TNRC6B: variants seen among roughly 807,000 people sequenced by gnomAD.
The protein encoded by TNRC6B is trinucleotide repeat-containing gene 6B protein.
TNRC6B carries 52 observed loss-of-function variants against 203.6 expected under a neutral mutation model. That is an observed-to-expected ratio of 0.26 (90% CI 0.20 to 0.32). The LOEUF is 0.32. Ranked by LOEUF, TNRC6B falls within the 10% of genes least tolerant of loss-of-function variation. The pLI, the probability that TNRC6B is intolerant of heterozygous loss-of-function variation, is 1.00. For synonymous variants in TNRC6B, 838 were observed against 845.7 expected, an observed-to-expected ratio of 0.99 and a Z score of 0.16; for missense variants, 1,923 against 2,286.2, an observed-to-expected ratio of 0.84 and a Z score of 3.24.
At chr22:40,312,858 G>C in intron 18 of TNRC6B, 44 bp from the exon 19 acceptor site, 1 of 1,571,252 alleles carries the variant, frequency 6.4e-7, no homozygotes, top group Non-Finnish European at 8.7e-7. Context: ...TGGTTATACT[G>C]ACATTTATCT....
At chr22:40,219,503 G>A (rs1453940428) in intron 1 of TNRC6B, among the ~76,000 whole-genome samples, 2 of 152,086 alleles carry the variant, frequency 1.3e-5, no homozygotes, top group Non-Finnish European at 2.9e-5. Context: ...GGATAGCAGG[G>A]GCCCTCCCTC....
intron 4 of TNRC6B, among the ~76,000 whole-genome samples, chr22:40,164,446 A>T (rs1324461675): frequency 2.1e-5 from 3 of 145,288 alleles, no homozygotes; most frequent in South Asian, 2.2e-4. Context: ...GTTCCACTTT[A>T]TTTTTTTTTA....
At chr22:40,248,255 G>A (rs1224309486) in intron 2 of TNRC6B, among the ~76,000 whole-genome samples, 2 of 152,158 alleles carry the variant, frequency 1.3e-5, no homozygotes, top group Non-Finnish European at 2.9e-5. Flanking sequence ...CGCACACATT[G>A]CACCCTCCAC....
chr22:40,316,408 G>A (rs1429162730), intron 21 of TNRC6B, among the ~76,000 whole-genome samples: 1 of 151,718 alleles, frequency 6.6e-6, no homozygotes, highest in African/African-American at 2.4e-5. Flanking sequence ...TCTCACACCT[G>A]TAATCCCAGC....
intron 11 of TNRC6B, among the ~76,000 whole-genome samples, chr22:40,283,171 T>G (rs911635485): frequency 2.0e-5 from 3 of 152,066 alleles, no homozygotes; most frequent in Admixed American, 1.3e-4. Context: ...GAGTAGCTGT[T>G]GGGACCACAG....
At chr22:40,177,893 C>T (rs1226173408), upstream of TNRC6B, 2 of 1,337,194 alleles carry the variant, frequency 1.5e-6, no homozygotes, top group East Asian at 5.7e-5. Flanking sequence ...TGATCTGCCT[C>T]TATTTGAAGG....
chr22:40,217,517 A>G (rs2069651266), intron 1 of TNRC6B, among the ~76,000 whole-genome samples: 1 of 152,186 alleles, frequency 6.6e-6, no homozygotes, highest in Non-Finnish European at 1.5e-5. Flanking sequence ...GAAGGGACAA[A>G]CAATGTGACT....
intron 3 of TNRC6B, among the ~76,000 whole-genome samples, chr22:40,146,412 T>TG (rs397974953): frequency 6.6e-6 from 1 of 151,898 alleles, no homozygotes; most frequent in African/African-American, 2.4e-5. Flanking sequence ...TCTTTTTTTT[T>TG]GAGACGGAGT....
At chr22:40,162,250 C>T (rs1246822182) in intron 4 of TNRC6B, among the ~76,000 whole-genome samples, 3 of 152,146 alleles carry the variant, frequency 2.0e-5, no homozygotes, top group East Asian at 1.9e-4. Flanking sequence ...CACGCCACCA[C>T]GCCTGGCTAA....
chr22:40,144,090 G>A (rs1344289711), intron 3 of TNRC6B, among the ~76,000 whole-genome samples: 1 of 152,200 alleles, frequency 6.6e-6, no homozygotes, highest in East Asian at 1.9e-4. Flanking sequence ...AGAATGTGGA[G>A]CAACTGGAAC....
chr22:40,288,523 A>G (rs1408015309), intron 12 of TNRC6B, among the ~76,000 whole-genome samples: 1 of 151,820 alleles, frequency 6.6e-6, no homozygotes, highest in Non-Finnish European at 1.5e-5. Flanking sequence ...TGGACCACAT[A>G]GTAAAACCCC....
chr22:40,183,434 T>C (rs1288268919), intron 1 of TNRC6B, among the ~76,000 whole-genome samples: 3 of 152,198 alleles, frequency 2.0e-5, no homozygotes, highest in African/African-American at 4.8e-5. Flanking sequence ...TTCAAGTCCC[T>C]ACATTCCTGT....
chr22:40,294,639 A>G (rs1413728547), intron 12 of TNRC6B, among the ~76,000 whole-genome samples: 2 of 152,248 alleles, frequency 1.3e-5, no homozygotes, highest in African/African-American at 4.8e-5. Flanking sequence ...ATAAGATTTT[A>G]TGGATCCTTG....
chr22:40,092,401 C>CA (rs552880025), intron 1 of TNRC6B, among the ~76,000 whole-genome samples: 4,087 of 112,256 alleles, frequency 0.036, 69 homozygotes, highest in Non-Finnish European at 0.052. Flanking sequence ...GACTCTGTCT[C>CA]AAAAAAAAAA....
intron 15 of TNRC6B, among the ~76,000 whole-genome samples, chr22:40,303,510 G>A (rs1601507591): frequency 6.6e-6 from 1 of 152,006 alleles, no homozygotes. Context: ...TTCTATATTT[G>A]TTAACTTATT....
Position 40,066,891 on chromosome 22 carries a change from CT to C in TNRC6B, c.-121+21907del, listed in dbSNP as rs199704338. Among the ~76,000 whole-genome samples, 257 of 138,280 alleles carry C rather than the reference CT, an allele frequency of 1.9e-3. 2 individuals carry two copies. Among genetic ancestry groups the C allele is most frequent in the East Asian group, 0.018 (89 of 4,818 alleles). 90.7% of individuals were successfully genotyped at this position (138,280 alleles called of 152,430 possible). ...ACTCTTAACTGTGGAAGCTTCTTTT[CT>C]TTTTTTTTTTTTTCTTTTTAAATTT... is the stretch of plus-strand genomic sequence containing the variant. On this transcript the variant is annotated intron_variant, in intron 1 of 23. Transcript: ENST00000301923.
intron 1 of TNRC6B, among the ~76,000 whole-genome samples, chr22:40,100,403 G>A (rs135628): frequency 0.97 from 146,840 of 152,148 alleles, 71,140 homozygotes; most frequent in Middle Eastern, 1. Flanking sequence ...TTTTAGAGAC[G>A]GAGTCTGTCT....
intron 11 of TNRC6B, among the ~76,000 whole-genome samples, chr22:40,285,290 A>G (rs2146527778): frequency 6.6e-6 from 1 of 152,374 alleles, no homozygotes; most frequent in Non-Finnish European, 1.5e-5. Flanking sequence ...TGGAGCTCAG[A>G]TTATAAAGTT....
intron 1 of TNRC6B, among the ~76,000 whole-genome samples, chr22:40,210,187 C>G (rs953454008): frequency 6.6e-6 from 1 of 152,132 alleles, no homozygotes; most frequent in Non-Finnish European, 1.5e-5. Context: ...CTTCCTTCCC[C>G]CACCTGAAAG....
Sources: allele counts gnomAD v4.1 joint callset (sites outside exome capture counted in the v4.1 genomes callset), GRCh38; gene constraint gnomAD v4.1.1; transcripts MANE v1.5; gene names NCBI Gene and HGNC (gene_info 2026-07-23, HGNC 2026-07-21).